Variants in ADCY5 observed in about 807,000 individuals in gnomAD.
ADCY5 encodes the protein adenylate cyclase 5.
Under a neutral mutation model 119.7 loss-of-function variants are expected in ADCY5, and 30 were observed. The ratio of observed to expected loss-of-function variants is 0.25; its 90% CI spans 0.19 to 0.34. The LOEUF (loss-of-function observed/expected upper bound fraction) is 0.34. Ranked by LOEUF, ADCY5 falls within the 10% of genes least tolerant of loss-of-function variation. The probability of loss-of-function intolerance (pLI) is 1.00; values close to 1 mark genes in which losing one functional copy is unlikely to be tolerated. For synonymous variants in ADCY5, 753 were observed against 762.2 expected (o/e 0.99, Z 0.20); for missense variants, 1,324 against 1,775.2 (o/e 0.75, Z 4.57).
At chr3:123,343,034 C>T (rs998613721) in intron 3 of ADCY5, among the ~76,000 whole-genome samples, 2 of 152,238 alleles carry the variant, frequency 1.3e-5, no homozygotes, top group Admixed American at 6.5e-5. Flanking sequence ...ACGGATGCTG[C>T]TCCTCTGTGC....
At chr3:123,437,937 C>T (rs987107241) in intron 1 of ADCY5, among the ~76,000 whole-genome samples, 1 of 152,172 alleles carries the variant, frequency 6.6e-6, no homozygotes, top group Non-Finnish European at 1.5e-5. Context: ...TGCCAGCCCC[C>T]TCAATTTATT....
intron 5 of ADCY5, among the ~76,000 whole-genome samples, chr3:123,329,209 G>A (rs1362704270): frequency 3.3e-5 from 5 of 152,254 alleles, no homozygotes; most frequent in Admixed American, 6.5e-5. Flanking sequence ...TTGTGGGTAA[G>A]ACAGAAATGG....
intron 2 of ADCY5, among the ~76,000 whole-genome samples, chr3:123,351,219 T>C (rs1942825783): frequency 6.6e-6 from 1 of 151,998 alleles, no homozygotes; most frequent in Admixed American, 6.6e-5. Flanking sequence ...TACAGAGCTT[T>C]GCCCCCTCGT....
chr3:123,352,712 C>A lies in ADCY5; in HGVS notation c.1135-131G>T. On this transcript the variant is annotated intron_variant, in intron 1 of 20. Transcript: ENST00000462833. The surrounding 1 kb of genome is among the most constrained non-coding windows in gnomAD (Gnocchi z 4.8). ...AAACAAATGCTGAGGGCACCCCACA[C>A]GCGGCCAACCACTGTGAGCAGCCGA... The A allele has an allele frequency of 9.4e-7, 1 of 1,060,992 alleles. No individual in the cohort carries two copies. The highest frequency in any genetic ancestry group is 1.3e-6 in the Non-Finnish European group (1 of 756,364). 65.7% of individuals were successfully genotyped at this position (1,060,992 alleles called of 1,614,324 possible).
intron 12 of ADCY5, among the ~76,000 whole-genome samples, chr3:123,313,960 T>C (rs1203583497): frequency 1.3e-5 from 2 of 152,168 alleles, no homozygotes; most frequent in African/African-American, 2.4e-5. Context: ...ATAACATGAA[T>C]AGGCACAGCA....
At chr3:123,429,941 G>A (rs1196383220) in intron 1 of ADCY5, among the ~76,000 whole-genome samples, 1 of 152,184 alleles carries the variant, frequency 6.6e-6, no homozygotes, top group Non-Finnish European at 1.5e-5. Flanking sequence ...CCCAGCAGGA[G>A]TGTCAGCGGG....
chr3:123,401,050 G>A (rs1175358041), intron 1 of ADCY5, among the ~76,000 whole-genome samples: 1 of 12,818 alleles, frequency 7.8e-5, no homozygotes, highest in African/African-American at 1.2e-4. Context: ...ACTCCTGTGG[G>A]GACACACATG....
intron 1 of ADCY5, among the ~76,000 whole-genome samples, chr3:123,384,510 C>T (rs1424519474): frequency 6.6e-6 from 1 of 152,192 alleles, no homozygotes; most frequent in Non-Finnish European, 1.5e-5. Context: ...ATATACATTA[C>T]CTCGGGCTCT....
intron 17 of ADCY5, among the ~76,000 whole-genome samples, chr3:123,295,182 G>A (rs1008310720): frequency 6.6e-6 from 1 of 152,232 alleles, no homozygotes; most frequent in Non-Finnish European, 1.5e-5. Context: ...ACGAAAAGCA[G>A]GGCCTCCTGC....
At chr3:123,346,965 C>T (rs1942596002) in intron 3 of ADCY5, among the ~76,000 whole-genome samples, 1 of 152,202 alleles carries the variant, frequency 6.6e-6, no homozygotes, top group African/African-American at 2.4e-5. Context: ...CACGTCCCTG[C>T]TGTCAGCAGC....
intron 10 of ADCY5, among the ~76,000 whole-genome samples, chr3:123,319,363 A>T (rs1409653169): frequency 3.3e-5 from 5 of 151,988 alleles, no homozygotes; most frequent in Non-Finnish European, 5.9e-5. Context: ...CAAAAAAAAA[A>T]AAAATGAAAA....
chr3:123,440,048 T>C (rs1296648778), intron 1 of ADCY5, among the ~76,000 whole-genome samples: 1 of 152,268 alleles, frequency 6.6e-6, no homozygotes, highest in Non-Finnish European at 1.5e-5. Context: ...CGCTTCCTTC[T>C]GTGGAGGTGT....
chr3:123,391,498 G>A (rs1381197952), intron 1 of ADCY5, among the ~76,000 whole-genome samples: 2 of 152,032 alleles, frequency 1.3e-5, no homozygotes, highest in Non-Finnish European at 2.9e-5. Context: ...GAAGACTGAG[G>A]GCGGCCAATG....
At chr3:123,321,544 T>A (rs1017970192) in intron 8 of ADCY5, among the ~76,000 whole-genome samples, 1 of 152,018 alleles carries the variant, frequency 6.6e-6, no homozygotes, top group Non-Finnish European at 1.5e-5. Flanking sequence ...AGGGGTGGAA[T>A]CTCAGAGGTG....
intron 12 of ADCY5, among the ~76,000 whole-genome samples, chr3:123,308,137 C>T (rs965099358): frequency 6.7e-6 from 1 of 149,396 alleles, no homozygotes; most frequent in Non-Finnish European, 1.5e-5. Context: ...AGGTTCACAC[C>T]ATTCTCCTGT....
chr3:123,435,302 C>G (rs952059729), intron 1 of ADCY5, among the ~76,000 whole-genome samples: 1 of 152,098 alleles, frequency 6.6e-6, no homozygotes, highest in East Asian at 1.9e-4. Flanking sequence ...TAAATAAATA[C>G]GTAAGGCAGC....
chr3:123,310,498 T>C (rs956635767), intron 12 of ADCY5, among the ~76,000 whole-genome samples: 4 of 152,116 alleles, frequency 2.6e-5, no homozygotes, highest in African/African-American at 9.7e-5. Context: ...GGGTTATCAC[T>C]CGGAATTCCA....
intron 1 of ADCY5, among the ~76,000 whole-genome samples, chr3:123,360,743 A>G (rs1196564560): frequency 2.0e-5 from 3 of 152,260 alleles, no homozygotes; most frequent in Admixed American, 2.0e-4. Context: ...CATCTGCTTA[A>G]TACATTTTAA....
intron 1 of ADCY5, among the ~76,000 whole-genome samples, chr3:123,412,552 C>A (rs1945079471): frequency 6.6e-6 from 1 of 152,098 alleles, no homozygotes; most frequent in South Asian, 2.1e-4. Flanking sequence ...GTTGCGGTGG[C>A]AGATAGAGCT....
Sources: gnomAD v4.1 joint callset for allele counts (sites outside exome capture counted in the v4.1 genomes callset) on GRCh38, gnomAD v4.1.1 for gene constraint, Gnocchi (gnomAD v3.1) non-coding constraint, MANE v1.5 for transcripts, NCBI Gene and HGNC (gene_info 2026-07-23, HGNC 2026-07-21) for gene names.